PLXNA2: variants seen among roughly 807,000 people sequenced by gnomAD.
PLXNA2 encodes the protein plexin A2.
Under a neutral mutation model 193.5 loss-of-function variants are expected in PLXNA2, and 91 were observed. The observed-to-expected ratio is 0.47, with a 90% CI of 0.40 to 0.56. The LOEUF (loss-of-function observed/expected upper bound fraction) is 0.56. Among genes scored for constraint, PLXNA2 ranks in the 20% least tolerant of loss-of-function variants. The probability of loss-of-function intolerance (pLI) is 0.00; values close to 1 mark genes in which losing one functional copy is unlikely to be tolerated. For missense variants in PLXNA2, 1,995 were observed against 2,503.2 expected, an observed-to-expected ratio of 0.80 and a Z score of 4.33; for synonymous variants, 997 against 1,027.3, an observed-to-expected ratio of 0.97 and a Z score of 0.56.
chr1:208,109,646 C>A (rs1401335911), intron 4 of PLXNA2, among the ~76,000 whole-genome samples: 1 of 152,216 alleles, frequency 6.6e-6, no homozygotes, highest in Non-Finnish European at 1.5e-5. Flanking sequence ...CCCCAAAGAG[C>A]GCTTAAGTCC....
chr1:208,095,210 G>A (rs945834470), intron 8 of PLXNA2, among the ~76,000 whole-genome samples: 5 of 152,148 alleles, frequency 3.3e-5, no homozygotes, highest in Admixed American at 6.5e-5. Context: ...TAAACCAAAT[G>A]GTGTATGAGT....
At chr1:208,144,922 A>G (rs1668561035) in intron 3 of PLXNA2, among the ~76,000 whole-genome samples, 1 of 151,958 alleles carries the variant, frequency 6.6e-6, no homozygotes, top group African/African-American at 2.4e-5. Context: ...CCAGCCTGTA[A>G]CCTGGAGCAA....
At chr1:208,103,399 C>A in intron 4 of PLXNA2, 152 bp from the exon 5 acceptor site, 1 of 607,098 alleles carries the variant, frequency 1.6e-6, no homozygotes, top group South Asian at 2.1e-5. Context: ...TGTCCCCAAT[C>A]TCTTTACCTG....
chr1:208,147,840 C>T (rs541116002), intron 3 of PLXNA2, among the ~76,000 whole-genome samples: 20 of 152,292 alleles, frequency 1.3e-4, no homozygotes, highest in African/African-American at 4.8e-4. Context: ...CACTCTTCCC[C>T]CTTTAGGATC....
intron 6 of PLXNA2, 33 bp downstream of exon 6, chr1:208,098,813 C>T (rs752738950): frequency 2.1e-5 from 33 of 1,608,952 alleles, no homozygotes; most frequent in Admixed American, 3.4e-5. Flanking sequence ...GCACTGTATT[C>T]CCTCTCCCCA....
intron 3 of PLXNA2, among the ~76,000 whole-genome samples, chr1:208,204,543 C>T (rs1558243086): frequency 6.6e-6 from 1 of 152,224 alleles, no homozygotes; most frequent in Non-Finnish European, 1.5e-5. Flanking sequence ...CCCTCACTGA[C>T]CTACCCAACA....
intron 4 of PLXNA2, among the ~76,000 whole-genome samples, chr1:208,141,545 A>C (rs1312622948): frequency 6.6e-6 from 1 of 152,108 alleles, no homozygotes; most frequent in Non-Finnish European, 1.5e-5. Context: ...AAATGACAAG[A>C]CCCCTGCTGC....
intron 2 of PLXNA2, among the ~76,000 whole-genome samples, chr1:208,214,666 T>C (rs1456481977): frequency 1.3e-5 from 2 of 152,200 alleles, no homozygotes; most frequent in African/African-American, 4.8e-5. Context: ...CAGCACTGTG[T>C]ACAAGAAACC....
intron 3 of PLXNA2, among the ~76,000 whole-genome samples, chr1:208,201,444 T>C (rs1213165714): frequency 1.3e-5 from 2 of 152,192 alleles, no homozygotes; most frequent in Admixed American, 1.3e-4. Context: ...CAGGATTAGA[T>C]TAGTTCGGCT....
chr1:208,091,773 G>C (rs1195623632), intron 9 of PLXNA2, among the ~76,000 whole-genome samples: 1 of 151,702 alleles, frequency 6.6e-6, no homozygotes, highest in African/African-American at 2.4e-5. Flanking sequence ...AGGTGGCTGA[G>C]GCAGGAGAAT....
intron 1 of PLXNA2, among the ~76,000 whole-genome samples, chr1:208,219,593 C>G (rs1248138254): frequency 6.6e-6 from 1 of 152,202 alleles, no homozygotes; most frequent in Non-Finnish European, 1.5e-5. Flanking sequence ...CCCATTCTGG[C>G]TGGATTGGGT....
At chr1:208,114,501 C>T (rs1291097059) in intron 4 of PLXNA2, among the ~76,000 whole-genome samples, 1 of 152,228 alleles carries the variant, frequency 6.6e-6, no homozygotes, top group East Asian at 1.9e-4. Context: ...CCATAGGTGC[C>T]GGATCTGAGA....
chr1:208,217,965 C>T lies in PLXNA2; in HGVS notation c.-43G>A, dbSNP rs750755985. On this transcript the variant is annotated 5_prime_UTR_variant, in exon 2 of 32. An upstream start codon of the reference 5' UTR is lost. Transcript: ENST00000367033. This position sits in a 1 kb window ranked among gnomAD's most constrained non-coding sequence, Gnocchi z 4.7. ...TGAGGAGACGGCTCCTGTGTGTGCT[C>T]ATCTGCTCCACCTTCCCCGGTTGGC... The T allele has an allele frequency of 2.5e-6, 4 of 1,593,024 alleles. No homozygotes were observed. In the East Asian group the frequency reaches 9.0e-5, roughly 36 times the overall value.
intron 14 of PLXNA2, among the ~76,000 whole-genome samples, chr1:208,053,772 T>G (rs1665339894): frequency 6.6e-6 from 1 of 152,196 alleles, no homozygotes; most frequent in Non-Finnish European, 1.5e-5. Flanking sequence ...AGCAAGTTAT[T>G]GATTCAGTAT....
intron 3 of PLXNA2, among the ~76,000 whole-genome samples, chr1:208,171,619 C>T (rs993225641): frequency 1.3e-5 from 2 of 152,134 alleles, no homozygotes; most frequent in African/African-American, 2.4e-5. Context: ...GAGGCCAAGG[C>T]GGGAGGATGG....
chr1:208,217,018 C>T lies in PLXNA2; in HGVS notation c.905G>A (p.Arg302Gln), dbSNP rs757914349. 2.5e-5 allele frequency: 40 copies of T among 1,611,494 alleles called. No individual in the cohort carries two copies. Among genetic ancestry groups the T allele is most frequent in the Admixed American group, 1.3e-4 (8 of 59,890 alleles). The change falls in exon 2 of 32, where the codon CGG becomes CAG. Residue 302 changes from arginine to glutamine, a missense_variant. This residue lies in a region of PLXNA2 where 702 missense variants were observed against 812.9 expected (regional missense o/e 0.86). Coordinates refer to ENST00000367033, the MANE Select transcript of PLXNA2 (RefSeq NM_025179.4). The surrounding 1 kb of genome is among the most constrained non-coding windows in gnomAD (Gnocchi z 4.7). ...SYVSLPFGCTRAGVEYRLLQA... is the reference protein window; with the variant it reads ...SYVSLPFGCTQAGVEYRLLQA... ...CAGGAGGCGGTATTCCACCCCGGCC[C>T]GGGTGCAGCCGAAGGGCAGGGACAC... is the stretch of plus-strand genomic sequence containing the variant.
At chr1:208,061,571 A>G (rs1019848532) in intron 12 of PLXNA2, among the ~76,000 whole-genome samples, 6 of 152,324 alleles carry the variant, frequency 3.9e-5, no homozygotes, top group African/African-American at 1.4e-4. Context: ...AAAACATCCT[A>G]TGACACATGC....
chr1:208,047,576 C>A (rs1233854823), intron 17 of PLXNA2, among the ~76,000 whole-genome samples: 1 of 152,218 alleles, frequency 6.6e-6, no homozygotes, highest in African/African-American at 2.4e-5. Flanking sequence ...GGCTCCCACC[C>A]AGCACAGCTC....
chr1:208,230,252 G>C (rs1189747473), intron 1 of PLXNA2: 1 of 152,250 alleles, frequency 6.6e-6, no homozygotes, highest in Non-Finnish European at 1.5e-5. Flanking sequence ...TTGTGCAGCA[G>C]AACCTGGTGA....
Sources: allele counts gnomAD v4.1 joint callset (sites outside exome capture counted in the v4.1 genomes callset), GRCh38; gene constraint gnomAD v4.1.1; regional missense constraint gnomAD v4.1.1; non-coding constraint Gnocchi (gnomAD v3.1); transcripts MANE v1.5; gene names NCBI Gene and HGNC (gene_info 2026-07-23, HGNC 2026-07-21).